The following DNAJC1 variants were observed in gnomAD, a reference collection of about 807,000 sequenced individuals.
DNAJC1 encodes the protein DnaJ heat shock protein family (Hsp40) member C1.
In DNAJC1, 58 loss-of-function variants were observed where a neutral mutation model predicts 76.6. That is an observed-to-expected ratio of 0.76 (90% CI 0.61 to 0.94). DNAJC1 has a LOEUF of 0.94. Ranked by LOEUF, DNAJC1 falls within the 40% of genes least tolerant of loss-of-function variation. The probability of loss-of-function intolerance (pLI) is 0.00; values close to 1 mark genes in which losing one functional copy is unlikely to be tolerated. For synonymous variants in DNAJC1, 258 were observed against 267.9 expected (o/e 0.96, Z 0.36); for missense variants, 689 against 677.3 (o/e 1.02, Z -0.19).
At chr10:21,916,222 A>G (rs1836952567) in intron 6 of DNAJC1, among the ~76,000 whole-genome samples, 1 of 152,196 alleles carries the variant, frequency 6.6e-6, no homozygotes, top group South Asian at 2.1e-4. Context: ...GGCCAGGTGC[A>G]GTGGCTCACG....
rs531603785 is a variant in DNAJC1 at position 21,841,489 on chromosome 10, A to G, written c.979-35390T>C. Among the ~76,000 whole-genome samples the G allele has an allele frequency of 2.0e-5, 3 of 152,354 alleles. No individual in the cohort carries two copies. In the South Asian group the frequency reaches 6.2e-4, roughly 32 times the overall value. On this transcript the variant is annotated intron_variant, in intron 8 of 11. Coordinates refer to ENST00000376980, the MANE Select transcript of DNAJC1 (RefSeq NM_022365.4). ...AAAGAAGATATTTATGCAGCCAAAA[A>G]ACACATGAAAAAATGCTCACCATCA...
intron 1 of DNAJC1, among the ~76,000 whole-genome samples, chr10:21,946,566 G>C (rs1837508662): frequency 6.6e-6 from 1 of 152,100 alleles, no homozygotes; most frequent in Admixed American, 6.6e-5. Context: ...CTGCTGGAGG[G>C]AGGATAAACT....
chr10:21,891,476 C>CAAAAAAAAAAAAAAAAAAAAA (rs369729722), intron 7 of DNAJC1, among the ~76,000 whole-genome samples: 93 of 38,646 alleles, frequency 2.4e-3, no homozygotes, highest in Non-Finnish European at 3.3e-3. Flanking sequence ...ACAAAGTAGA[C>CAAAAAAAAAAAAAAAAAAAAA]AAAAAAAAAA....
chr10:21,948,495 T>C (rs1590062464), intron 1 of DNAJC1, among the ~76,000 whole-genome samples: 1 of 152,164 alleles, frequency 6.6e-6, no homozygotes, highest in African/African-American at 2.4e-5. Flanking sequence ...TAACCTGTAG[T>C]ATATAGCACA....
chr10:21,851,050 T>C (rs900798108), intron 8 of DNAJC1, among the ~76,000 whole-genome samples: 4 of 152,192 alleles, frequency 2.6e-5, no homozygotes, highest in East Asian at 1.9e-4. Flanking sequence ...AGAAAAACCA[T>C]AAAATTCATA....
At position 22,003,540 on chromosome 10, in the gene DNAJC1, G is replaced by T; in HGVS notation, c.-106C>A. Reference sequence around the variant, plus strand: ...GGAACAGCGCCTGTCAGTGAAAAGCGCGGGCAGGCGCACCGGAGCGGCCCG... The same window carrying T: ...GGAACAGCGCCTGTCAGTGAAAAGCTCGGGCAGGCGCACCGGAGCGGCCCG... On this transcript the variant is annotated 5_prime_UTR_variant, in exon 1 of 12. Transcript: ENST00000376980. 1 of 1,232,906 alleles carries T rather than the reference G, an allele frequency of 8.1e-7. No homozygotes were observed. The highest frequency in any genetic ancestry group is 1.0e-6 in the Non-Finnish European group (1 of 979,954). The allele number at this position is 1,232,906 out of a possible 1,614,324, so 76.4% of individuals were successfully genotyped here.
chr10:21,892,266 G>A (rs971317931), intron 7 of DNAJC1, among the ~76,000 whole-genome samples: 7 of 151,452 alleles, frequency 4.6e-5, no homozygotes, highest in African/African-American at 1.7e-4. Flanking sequence ...AGAAAAAATA[G>A]GAAATAAAAA....
intron 1 of DNAJC1, 71 bp from the exon 2 acceptor site, chr10:21,929,212 T>C: frequency 9.0e-7 from 1 of 1,114,988 alleles, no homozygotes; most frequent in Non-Finnish European, 1.3e-6. Flanking sequence ...AGAACCTTGT[T>C]AAGATCTGAG....
At chr10:21,757,366 G>A (rs1180713954) in intron 11 of DNAJC1, among the ~76,000 whole-genome samples, 1 of 152,192 alleles carries the variant, frequency 6.6e-6, no homozygotes, top group Non-Finnish European at 1.5e-5. Flanking sequence ...GGGTGATGGT[G>A]GGGAGAGGCC....
At chr10:21,992,323 T>C (rs1304974814) in intron 1 of DNAJC1, among the ~76,000 whole-genome samples, 3 of 152,118 alleles carry the variant, frequency 2.0e-5, no homozygotes, top group African/African-American at 7.2e-5. Context: ...AAAATAATAG[T>C]AATTTTTGAA....
intron 8 of DNAJC1, among the ~76,000 whole-genome samples, 175 bp downstream of exon 8, chr10:21,882,107 T>G (rs1003426856): frequency 6.6e-6 from 1 of 152,130 alleles, no homozygotes; most frequent in African/African-American, 2.4e-5. Flanking sequence ...TGAGCTGAGA[T>G]TGCGCCACTG....
intron 8 of DNAJC1, among the ~76,000 whole-genome samples, chr10:21,872,815 C>A (rs542062174): frequency 6.6e-6 from 1 of 152,172 alleles, no homozygotes; most frequent in South Asian, 2.1e-4. Flanking sequence ...TCAATGAACT[C>A]CAAGCAGGAT....
At chr10:21,915,170 T>C (rs1253720587) in intron 6 of DNAJC1, among the ~76,000 whole-genome samples, 1 of 152,324 alleles carries the variant, frequency 6.6e-6, no homozygotes, top group East Asian at 1.9e-4. Flanking sequence ...TACTTGCATT[T>C]GTAATTTTGT....
chr10:21,864,723 G>C (rs956752614), intron 8 of DNAJC1, among the ~76,000 whole-genome samples: 1 of 151,924 alleles, frequency 6.6e-6, no homozygotes, highest in East Asian at 1.9e-4. Context: ...CATATAAAAA[G>C]AAGTATAAAA....
At chr10:21,808,030 C>A (rs1834908288) in intron 8 of DNAJC1, among the ~76,000 whole-genome samples, 1 of 152,074 alleles carries the variant, frequency 6.6e-6, no homozygotes, top group Non-Finnish European at 1.5e-5. Flanking sequence ...ATGCAAAAGA[C>A]TTAAGTTTTA....
chr10:22,002,299 C>A lies in DNAJC1; in HGVS notation c.222+914G>T, dbSNP rs376420449. On this transcript the variant is annotated intron_variant, in intron 1 of 11. Coordinates refer to ENST00000376980, the MANE Select transcript of DNAJC1 (RefSeq NM_022365.4). ...GATCGTGTGAAGTGTACATTTTTCA[C>A]CCCATAAGCCTGAAATCAGCGAAAT... Among the ~76,000 whole-genome samples the A allele has an allele frequency of 4.6e-5, 7 of 152,252 alleles. No homozygotes were observed. The East Asian group carries it at 7.7e-4, about 17-fold the overall frequency.
At chr10:21,981,114 T>C (rs1285833446) in intron 1 of DNAJC1, among the ~76,000 whole-genome samples, 3 of 152,208 alleles carry the variant, frequency 2.0e-5, no homozygotes, top group Non-Finnish European at 4.4e-5. Context: ...GTTGGCCTAA[T>C]TCAGCATGTA....
chr10:21,891,816 G>C (rs1028096260), intron 7 of DNAJC1, among the ~76,000 whole-genome samples: 1 of 152,110 alleles, frequency 6.6e-6, no homozygotes, highest in Non-Finnish European at 1.5e-5. Flanking sequence ...ATGGCTAAAA[G>C]AAGCTCTATA....
At chr10:21,955,118 T>C (rs1030363039) in intron 1 of DNAJC1, among the ~76,000 whole-genome samples, 8 of 152,318 alleles carry the variant, frequency 5.3e-5, no homozygotes, top group African/African-American at 1.9e-4. Flanking sequence ...CCAGACATTG[T>C]CAAATGTCCC....
Sources: gnomAD v4.1 joint callset for allele counts (sites outside exome capture counted in the v4.1 genomes callset) on GRCh38, gnomAD v4.1.1 for gene constraint, MANE v1.5 for transcripts, NCBI Gene and HGNC (gene_info 2026-07-23, HGNC 2026-07-21) for gene names.